The following GLRA2 variants were observed in gnomAD, a reference collection of about 807,000 sequenced individuals.
GLRA2 encodes the protein glycine receptor subunit alpha-2.
In GLRA2, 11 loss-of-function variants were observed where a neutral mutation model predicts 31.6. That is an observed-to-expected ratio of 0.35 (90% CI 0.22 to 0.58). GLRA2 has a LOEUF of 0.58. Ranked by LOEUF, GLRA2 falls within the 20% of genes least tolerant of loss-of-function variation. The pLI is 0.84. For missense variants in GLRA2, 212 were observed against 351.8 expected, an observed-to-expected ratio of 0.60 and a Z score of 3.18; for synonymous variants, 132 against 134.0, an observed-to-expected ratio of 0.99 and a Z score of 0.10.
chrX:14,611,497 C>T (rs2090397298), intron 7 of GLRA2, among the ~76,000 whole-genome samples: 1 of 112,899 alleles, frequency 8.9e-6, no homozygotes, highest in South Asian at 3.5e-4. Flanking sequence ...AACTTTTACA[C>T]CATCTTAGAT....
intron 7 of GLRA2, among the ~76,000 whole-genome samples, chrX:14,615,119 T>C (rs1451158948): frequency 9.0e-6 from 1 of 111,611 alleles, no homozygotes; most frequent in Non-Finnish European, 1.9e-5. Flanking sequence ...AAATATACAC[T>C]CTTAATTTTA....
the GLRA2 span, among the ~76,000 whole-genome samples, chrX:14,469,961 T>C: frequency 8.9e-6 from 1 of 111,909 alleles, no homozygotes; most frequent in South Asian, 3.7e-4. Context: ...ATGCACCTTA[T>C]GTAGAATTTG....
chrX:14,483,775 G>A, the GLRA2 span, among the ~76,000 whole-genome samples: 1 of 112,177 alleles, frequency 8.9e-6, no homozygotes, highest in South Asian at 3.7e-4. Flanking sequence ...GCTCCTGGGT[G>A]TGTCTGTGAG....
At chrX:14,685,652 C>T (rs192851971) in intron 7 of GLRA2, among the ~76,000 whole-genome samples, 262 of 111,535 alleles carry the variant, frequency 2.3e-3, no homozygotes, top group African/African-American at 7.7e-3. Flanking sequence ...TCTGTGGGAT[C>T]GGTGGTGATA....
intron 7 of GLRA2, among the ~76,000 whole-genome samples, chrX:14,619,316 C>A (rs2090489721): frequency 9.0e-6 from 1 of 111,171 alleles, no homozygotes; most frequent in Non-Finnish European, 1.9e-5. Context: ...TCCCATAGCT[C>A]CCTGTTGAAC....
the GLRA2 span, among the ~76,000 whole-genome samples, chrX:14,470,719 G>GA: frequency 9.0e-6 from 1 of 111,518 alleles, no homozygotes; most frequent in African/African-American, 3.3e-5. Context: ...TCTTCCATTA[G>GA]AAAAACAAGT....
the GLRA2 span, among the ~76,000 whole-genome samples, chrX:14,523,976 C>T: frequency 2.7e-5 from 3 of 111,958 alleles, no homozygotes; most frequent in Admixed American, 9.5e-5. Flanking sequence ...AGAAGCAACT[C>T]ATCATCCATT....
the GLRA2 span, among the ~76,000 whole-genome samples, chrX:14,454,940 T>C: frequency 1.2e-4 from 14 of 112,416 alleles, no homozygotes; most frequent in South Asian, 5.2e-3. Context: ...CATTTCTAAT[T>C]AATATGTTTC....
At chrX:14,497,564 C>T in the GLRA2 span, among the ~76,000 whole-genome samples, 2 of 111,203 alleles carry the variant, frequency 1.8e-5, no homozygotes, top group African/African-American at 6.5e-5. Context: ...AACCACAGCA[C>T]AGTCCTTGGA....
At chrX:14,608,147 A>G (rs1041584875) in intron 6 of GLRA2, among the ~76,000 whole-genome samples, 6 of 111,704 alleles carry the variant, frequency 5.4e-5, no homozygotes, top group African/African-American at 2.0e-4. Context: ...CTGACCAAGA[A>G]GAATTCAACC....
At chrX:14,547,239 C>G (rs983232264) in intron 2 of GLRA2, among the ~76,000 whole-genome samples, 3 of 110,898 alleles carry the variant, frequency 2.7e-5, no homozygotes, top group Non-Finnish European at 5.7e-5. Context: ...CTCTGGGGTG[C>G]CTGATTGCCT....
At chrX:14,501,935 T>C in the GLRA2 span, among the ~76,000 whole-genome samples, 1 of 111,665 alleles carries the variant, frequency 9.0e-6, no homozygotes. Flanking sequence ...CTTCCTCCTA[T>C]GTCTTTATAC....
chrX:14,665,897 GAAT>G (rs1199911011), intron 7 of GLRA2, among the ~76,000 whole-genome samples: 1 of 112,255 alleles, frequency 8.9e-6, no homozygotes, highest in African/African-American at 3.2e-5. Context: ...GCTGGACCAA[GAAT>G]CTAGCTCCAG....
chrX:14,626,702 G>T (rs1005025921), intron 7 of GLRA2, among the ~76,000 whole-genome samples: 8 of 111,716 alleles, frequency 7.2e-5, no homozygotes, highest in Non-Finnish European at 1.5e-4. Flanking sequence ...GCAACTAAAA[G>T]GTTGAAGGAA....
At chrX:14,536,506 C>CT (rs1366711717) in intron 2 of GLRA2, among the ~76,000 whole-genome samples, 6 of 112,203 alleles carry the variant, frequency 5.3e-5, no homozygotes, top group Admixed American at 1.9e-4. Flanking sequence ...AGCATTGTGC[C>CT]TGAGTGCAGA....
the GLRA2 span, among the ~76,000 whole-genome samples, chrX:14,456,500 C>A: frequency 8.9e-6 from 1 of 111,784 alleles, no homozygotes; most frequent in Non-Finnish European, 1.9e-5. Flanking sequence ...AACAAATCTC[C>A]CCCTATACCT....
chrX:14,458,814 C>T, the GLRA2 span, among the ~76,000 whole-genome samples: 9 of 111,559 alleles, frequency 8.1e-5, no homozygotes, highest in Admixed American at 6.6e-4. Flanking sequence ...TTCTCCCATT[C>T]TGCAGGTTGC....
At chrX:14,656,928 A>G (rs1463374994) in intron 7 of GLRA2, among the ~76,000 whole-genome samples, 1 of 111,924 alleles carries the variant, frequency 8.9e-6, no homozygotes, top group Non-Finnish European at 1.9e-5. Context: ...CTAGGTTATC[A>G]CAGAAGACCT....
chrX:14,538,075 T>C (rs1321540561), intron 2 of GLRA2, among the ~76,000 whole-genome samples: 1 of 109,394 alleles, frequency 9.1e-6, no homozygotes, highest in Non-Finnish European at 1.9e-5. Context: ...CAAGAGGGCA[T>C]CTACAGCATT....
Sources: gnomAD v4.1 joint callset for allele counts (sites outside exome capture counted in the v4.1 genomes callset) on GRCh38, gnomAD v4.1.1 for gene constraint, MANE v1.5 for transcripts, NCBI Gene and HGNC (gene_info 2026-07-23, HGNC 2026-07-21) for gene names.